Variants in SCAF4 observed in about 807,000 individuals in gnomAD.
SCAF4 encodes SR-related and CTD-associated factor 4.
A neutral mutation model predicts 129.8 loss-of-function variants in SCAF4; 25 were observed. The ratio of observed to expected loss-of-function variants is 0.19; its 90% CI spans 0.14 to 0.27. The LOEUF is 0.27. SCAF4 is among the 10% of genes least tolerant of loss of function. The pLI is 1.00. For missense variants in SCAF4, 1,246 were observed against 1,457.1 expected, an observed-to-expected ratio of 0.86 and a Z score of 2.36; for synonymous variants, 551 against 497.7, an observed-to-expected ratio of 1.11 and a Z score of -1.43.
At chr21:31,695,103 A>G in intron 9 of SCAF4, 123 bp from the exon 10 acceptor site, 1 of 734,328 alleles carries the variant, frequency 1.4e-6, no homozygotes, top group Non-Finnish European at 2.2e-6. Flanking sequence ...ACGACATTCA[A>G]CATTGTTTAA....
rs374026931 is a variant in SCAF4, at chr21:31,671,582, T to G, written c.3261A>C (p.Ala1087=). ...GAGGTTCAACGGTTTTGTTACCACCTGCCCTGTCTGTCACCTCAGGCTTTT... is the reference window on the plus strand; with the variant it reads ...GAGGTTCAACGGTTTTGTTACCACCGGCCCTGTCTGTCACCTCAGGCTTTT... ...GKEKPEVTDR[A]GGNKTVEPPI... The change falls in exon 20 of 20, where the codon GCA becomes GCC. Residue 1087 remains alanine (A), a synonymous_variant. Transcript: ENST00000286835. 1.9e-5 allele frequency: 31 copies of G among 1,614,106 alleles called. No homozygotes were observed. Among genetic ancestry groups the G allele is most frequent in the Non-Finnish European group, 4.2e-6 (5 of 1,180,024 alleles).
intron 1 of SCAF4, among the ~76,000 whole-genome samples, chr21:31,730,816 G>C (rs1601293585): frequency 6.6e-6 from 1 of 152,314 alleles, no homozygotes; most frequent in Middle Eastern, 3.4e-3. Flanking sequence ...CTTTAAGGCC[G>C]CAGGCAGCTT....
At chr21:31,700,570 T>C (rs112504508) in intron 7 of SCAF4, among the ~76,000 whole-genome samples, 3,518 of 152,164 alleles carry the variant, frequency 0.023, 125 homozygotes, top group African/African-American at 0.079. Context: ...ACAAAAAAGA[T>C]ACAAGAGTAT....
intron 19 of SCAF4, among the ~76,000 whole-genome samples, chr21:31,682,241 T>C (rs2050013013): frequency 6.6e-6 from 1 of 151,968 alleles, no homozygotes; most frequent in Non-Finnish European, 1.5e-5. Flanking sequence ...CAGCTGGGCG[T>C]GGTGGCACGC....
At chr21:31,677,826 T>C (rs575511779) in intron 19 of SCAF4, among the ~76,000 whole-genome samples, 19 of 152,292 alleles carry the variant, frequency 1.2e-4, no homozygotes, top group Admixed American at 8.5e-4. Flanking sequence ...CGGCTACTTG[T>C]AGCTATGTGA....
intron 1 of SCAF4, among the ~76,000 whole-genome samples, chr21:31,721,297 C>A (rs532175345): frequency 6.6e-6 from 1 of 151,806 alleles, no homozygotes; most frequent in African/African-American, 2.4e-5. Context: ...ACTTGGCTGC[C>A]CTATCTAAAG....
chr21:31,697,588 C>T (rs1366659007), intron 7 of SCAF4, among the ~76,000 whole-genome samples: 1 of 152,148 alleles, frequency 6.6e-6, no homozygotes, highest in African/African-American at 2.4e-5. Flanking sequence ...GACTTCAAAG[C>T]CCTCAGTCTC....
chr21:31,671,070 T>G lies in SCAF4; in HGVS notation c.*329A>C. On this transcript the variant is annotated 3_prime_UTR_variant, in exon 20 of 20. Transcript: ENST00000286835. ...ATAGAGTTTATTAAAAACATCCCTA[T>G]TGTTTTGAGGAGCTTTCACCGTTAC... 1 of 223,034 alleles carries G rather than the reference T, an allele frequency of 4.5e-6. No homozygotes were observed. 13.8% of individuals were successfully genotyped at this position (223,034 alleles called of 1,614,324 possible). A position where few individuals can be genotyped will look rare whatever the true frequency, so the allele number is the denominator to read the frequency against.
In SCAF4 at chr21:31,694,838, G is replaced by A. The variant is rs2123547099; in HGVS notation, c.1211C>T (p.Pro404Leu). The A allele has an allele frequency of 1.9e-6, 3 of 1,614,108 alleles. No individual in the cohort carries two copies. The highest frequency in any genetic ancestry group is 2.2e-5 in the South Asian group (2 of 91,082). ...CTGCTGATGCGGCTTCTGTGTAAGT[G>A]GTTCATTTTGTGCCTGAAAAGAAGC... ...FQASFQAQNE[P>L]LTQKPHQQEM... The change falls in exon 10 of 20, where the codon CCA becomes CTA. Residue 404 changes from proline to leucine, a missense_variant. Pro to Leu is a moderately conservative substitution (Grantham distance 98, BLOSUM62 -3). Coordinates refer to ENST00000286835, the MANE Select transcript of SCAF4 (RefSeq NM_020706.2).
At chr21:31,717,033 T>C (rs80040232) in intron 1 of SCAF4, among the ~76,000 whole-genome samples, 3,753 of 152,174 alleles carry the variant, frequency 0.025, 153 homozygotes, top group African/African-American at 0.086. Flanking sequence ...ACCATACCAA[T>C]CAATAATCAA....
intron 19 of SCAF4, among the ~76,000 whole-genome samples, chr21:31,679,339 GTTT>G (rs952934225): frequency 1.4e-5 from 2 of 139,038 alleles, no homozygotes; most frequent in South Asian, 2.2e-4. Flanking sequence ...ATATCCCTAG[GTTT>G]TTTTTTTAAT....
intron 1 of SCAF4, among the ~76,000 whole-genome samples, chr21:31,731,256 C>A (rs936775934): frequency 6.6e-6 from 1 of 152,226 alleles, no homozygotes; most frequent in African/African-American, 2.4e-5. Flanking sequence ...GCCCCCAACC[C>A]CACACGCCCG....
chr21:31,709,164 G>A (rs1298512614), intron 1 of SCAF4, among the ~76,000 whole-genome samples: 2 of 152,112 alleles, frequency 1.3e-5, no homozygotes, highest in African/African-American at 2.4e-5. Flanking sequence ...GGCCCACTGG[G>A]CACTGGTATC....
intron 2 of SCAF4, 44 bp downstream of exon 2, chr21:31,706,230 A>C (rs756958220): frequency 7.6e-7 from 1 of 1,314,498 alleles, no homozygotes; most frequent in East Asian, 2.4e-5. Context: ...AAATATTTTC[A>C]AAATTTCAAA....
rs761880465 is a variant in SCAF4, at chr21:31,716,719, T to G, written c.31-10362A>C. On this transcript the variant is annotated intron_variant, in intron 1 of 19. Coordinates refer to ENST00000286835, the MANE Select transcript of SCAF4 (RefSeq NM_020706.2). Reference sequence around the variant, plus strand: ...GCTAGAACAACTAGGTAAGGGATCATGTACAGTCCTTTTCTTAACCTGGTA... The same window carrying G: ...GCTAGAACAACTAGGTAAGGGATCAGGTACAGTCCTTTTCTTAACCTGGTA... Among the ~76,000 whole-genome samples the G allele has an allele frequency of 9.9e-5, 15 of 152,162 alleles. 1 individual carries two copies. Among genetic ancestry groups the G allele is most frequent in the Admixed American group, 8.5e-4 (13 of 15,282 alleles).
In SCAF4 at chr21:31,672,280, C is replaced by A. The variant is rs1334913971; in HGVS notation, c.2563G>T (p.Gly855Cys). 6.2e-7 allele frequency: 1 copy of A among 1,613,710 alleles called. No homozygotes were observed. The highest frequency in any genetic ancestry group is 1.3e-5 in the African/African-American group (1 of 74,878). Reference sequence around the variant, plus strand: ...GGAGGGCGCTGGAGTGGGATGAGACCGGGCCGGGCGCCAAGAAGACCAGTA... The same window carrying A: ...GGAGGGCGCTGGAGTGGGATGAGACAGGGCCGGGCGCCAAGAAGACCAGTA... Reference protein sequence around the residue: ...PSTGLLGARPGLIPLQRPPGM... With the variant: ...PSTGLLGARPCLIPLQRPPGM... Residue 855 changes from glycine (G) to cysteine (C), a missense_variant, in exon 20 of 20, where the codon GGT becomes TGT. Around this residue, in one of 6 missense-constraint regions of SCAF4, gnomAD observed 468 missense variants for 605.5 expected, o/e 0.77. Transcript: ENST00000286835.
At chr21:31,731,573 G>T in intron 1 of SCAF4, 90 bp downstream of exon 1, 1 of 1,465,688 alleles carries the variant, frequency 6.8e-7, no homozygotes. Flanking sequence ...GTCCCCACCC[G>T]GACCAAAGCT....
intron 1 of SCAF4, among the ~76,000 whole-genome samples, chr21:31,711,182 T>A (rs951729148): frequency 6.6e-6 from 1 of 152,210 alleles, no homozygotes; most frequent in Admixed American, 6.5e-5. Flanking sequence ...GCATTTGCAT[T>A]TGATATAATT....
intron 9 of SCAF4, among the ~76,000 whole-genome samples, chr21:31,695,478 A>G (rs947803494): frequency 6.6e-6 from 1 of 152,242 alleles, no homozygotes; most frequent in African/African-American, 2.4e-5. Context: ...GTAAACTACA[A>G]TCTAACATAT....
Sources: gnomAD v4.1 joint callset for allele counts (sites outside exome capture counted in the v4.1 genomes callset) on GRCh38, gnomAD v4.1.1 for gene constraint, gnomAD v4.1.1 regional missense constraint, MANE v1.5 for transcripts, NCBI Gene and HGNC (gene_info 2026-07-23, HGNC 2026-07-21) for gene names.